Variants in SMIM14 observed in about 807,000 individuals in gnomAD.
The protein encoded by SMIM14 is chromosome 4 open reading frame 34.
SMIM14 carries 5 observed loss-of-function variants against 12.6 expected under a neutral mutation model. That is an observed-to-expected ratio of 0.40 (90% CI 0.21 to 0.83). The LOEUF is 0.83. SMIM14 is among the 40% of genes least tolerant of loss of function. SMIM14 has a pLI of 0.37. For missense variants in SMIM14, 86 were observed against 119.1 expected (o/e 0.72, Z 1.29); for synonymous variants, 30 against 40.1 (o/e 0.75, Z 0.95).
chr4:39,620,459 G>A (rs1314089068), intron 1 of SMIM14, among the ~76,000 whole-genome samples: 1 of 151,980 alleles, frequency 6.6e-6, no homozygotes, highest in Non-Finnish European at 1.5e-5. Context: ...CATCCTGGGC[G>A]AGAGAGATAG....
chr4:39,633,900 A>G (rs1715997498), intron 1 of SMIM14, among the ~76,000 whole-genome samples: 1 of 152,206 alleles, frequency 6.6e-6, no homozygotes, highest in South Asian at 2.1e-4. Context: ...CAATACAACA[A>G]TGCAAGACCT....
At chr4:39,596,956 T>A (rs933572967) in intron 2 of SMIM14, among the ~76,000 whole-genome samples, 3 of 152,030 alleles carry the variant, frequency 2.0e-5, no homozygotes, top group African/African-American at 7.2e-5. Context: ...TTGTATTTTT[T>A]GTAGAAAAGG....
At chr4:39,632,814 CACACACACACACAAAAGA>C (rs2109259288) in intron 1 of SMIM14, among the ~76,000 whole-genome samples, 1 of 148,372 alleles carries the variant, frequency 6.7e-6, no homozygotes, top group African/African-American at 2.6e-5. Context: ...CACACACACA[CACACACACACACAAAAGA>C]AAAAGAAAAA....
intron 1 of SMIM14, among the ~76,000 whole-genome samples, chr4:39,624,020 C>A (rs560903807): frequency 6.6e-6 from 1 of 152,198 alleles, no homozygotes; most frequent in South Asian, 2.1e-4. Context: ...AACAGAGATA[C>A]TGGTCAATGA....
intron 2 of SMIM14, among the ~76,000 whole-genome samples, chr4:39,598,514 T>C (rs1714467041): frequency 6.6e-6 from 1 of 152,154 alleles, no homozygotes; most frequent in Non-Finnish European, 1.5e-5. Context: ...GTATAGAGTA[T>C]GAAGATCTGC....
intron 3 of SMIM14, among the ~76,000 whole-genome samples, chr4:39,560,103 C>T (rs1355175365): frequency 1.3e-5 from 2 of 151,948 alleles, no homozygotes; most frequent in Non-Finnish European, 2.9e-5. Flanking sequence ...GCCTGGGCAA[C>T]AGAGCCAGAC....
chr4:39,621,338 A>G (rs894820181), intron 1 of SMIM14, among the ~76,000 whole-genome samples: 4 of 151,824 alleles, frequency 2.6e-5, no homozygotes, highest in Non-Finnish European at 4.4e-5. Flanking sequence ...GGGGAAAAAA[A>G]CTCCAAACAT....
intron 1 of SMIM14, among the ~76,000 whole-genome samples, chr4:39,619,854 A>G (rs1715402039): frequency 1.7e-5 from 1 of 60,260 alleles, no homozygotes; most frequent in Admixed American, 1.6e-4. Context: ...ATATATTTAT[A>G]TATATTTATA....
intron 2 of SMIM14, among the ~76,000 whole-genome samples, chr4:39,584,500 A>AAAAAAAAAAAAAAAAAAAAAAAAC (rs1713681417): frequency 1.4e-5 from 2 of 142,380 alleles, no homozygotes; most frequent in Non-Finnish European, 3.1e-5. Context: ...AAAAAAAAAA[A>AAAAAAAAAAAAAAAAAAAAAAAAC]AAAAAGACAA....
At chr4:39,611,687 G>A (rs1478423039) in intron 1 of SMIM14, among the ~76,000 whole-genome samples, 1 of 151,852 alleles carries the variant, frequency 6.6e-6, no homozygotes, top group Non-Finnish European at 1.5e-5. Flanking sequence ...AATTCATCCT[G>A]GTTAATTTGA....
intron 2 of SMIM14, chr4:39,592,555 A>T (rs951166028): frequency 6.6e-6 from 1 of 152,108 alleles, no homozygotes; most frequent in African/African-American, 2.4e-5. Context: ...AAATCCTACC[A>T]ATTTATAAAT....
At chr4:39,583,890 A>G (rs1713643962) in intron 2 of SMIM14, 1 of 152,126 alleles carries the variant, frequency 6.6e-6, no homozygotes, top group South Asian at 2.1e-4. Flanking sequence ...TTATATATGA[A>G]AAACAATGCT....
chr4:39,562,108 T>A (rs776644550), intron 3 of SMIM14, among the ~76,000 whole-genome samples: 2 of 151,970 alleles, frequency 1.3e-5, no homozygotes, highest in African/African-American at 2.4e-5. Flanking sequence ...ATACAGTGGC[T>A]CATGGCTGTG....
At chr4:39,597,878 A>T (rs991450699) in intron 2 of SMIM14, among the ~76,000 whole-genome samples, 2 of 152,340 alleles carry the variant, frequency 1.3e-5, no homozygotes, top group Middle Eastern at 3.4e-3. Flanking sequence ...TAGGGCATAC[A>T]AACAGCTTCC....
intron 2 of SMIM14, among the ~76,000 whole-genome samples, chr4:39,598,062 G>T (rs1366047531): frequency 1.3e-5 from 2 of 151,926 alleles, no homozygotes; most frequent in Non-Finnish European, 2.9e-5. Context: ...TTCCCTCTTG[G>T]TCCTTAACAT....
At chr4:39,606,435 G>C (rs2110059613) in intron 1 of SMIM14, among the ~76,000 whole-genome samples, 1 of 152,130 alleles carries the variant, frequency 6.6e-6, no homozygotes, top group South Asian at 2.1e-4. Flanking sequence ...AAGGTCAGGA[G>C]ATAGAGGCCA....
intron 4 of SMIM14, among the ~76,000 whole-genome samples, chr4:39,554,462 GC>G (rs1711896550): frequency 6.6e-6 from 1 of 152,054 alleles, no homozygotes; most frequent in African/African-American, 2.4e-5. Flanking sequence ...CCAAAAATTA[GC>G]CAGATGTGGT....
At chr4:39,598,244 T>C (rs1714455308) in intron 2 of SMIM14, among the ~76,000 whole-genome samples, 2 of 151,918 alleles carry the variant, frequency 1.3e-5, no homozygotes, top group South Asian at 4.2e-4. Context: ...TTGTACTCAC[T>C]GAAAGGTTTT....
intron 1 of SMIM14, among the ~76,000 whole-genome samples, chr4:39,632,624 A>G (rs969056893): frequency 6.6e-6 from 1 of 150,946 alleles, no homozygotes; most frequent in East Asian, 2.0e-4. Flanking sequence ...CAAAACCCCA[A>G]CTCTACAAAA....
Sources: allele counts gnomAD v4.1 joint callset (sites outside exome capture counted in the v4.1 genomes callset), GRCh38; gene constraint gnomAD v4.1.1; transcripts MANE v1.5; gene names NCBI Gene and HGNC (gene_info 2026-07-23, HGNC 2026-07-21).